Variants in SIPA1L2 observed in about 807,000 individuals in gnomAD.
The protein encoded by SIPA1L2 is signal-induced proliferation-associated 1-like protein 2.
A neutral mutation model predicts 163.9 loss-of-function variants in SIPA1L2; 56 were observed. That is an observed-to-expected ratio of 0.34 (90% CI 0.28 to 0.43). The LOEUF is 0.43. Among genes scored for constraint, SIPA1L2 ranks in the 20% least tolerant of loss-of-function variants. SIPA1L2 has a pLI of 1.00. For synonymous variants in SIPA1L2, 877 were observed against 865.7 expected, an observed-to-expected ratio of 1.01 and a Z score of -0.23; for missense variants, 1,974 against 2,193.5, an observed-to-expected ratio of 0.90 and a Z score of 2.00.
At chr1:232,476,506 G>A (rs1558207747) in intron 7 of SIPA1L2, among the ~76,000 whole-genome samples, 1 of 152,124 alleles carries the variant, frequency 6.6e-6, no homozygotes, top group Admixed American at 6.6e-5. Context: ...TCCCACTGAT[G>A]ACATCCCACG....
chr1:232,455,845 G>C (rs924793576), intron 10 of SIPA1L2, among the ~76,000 whole-genome samples: 2 of 151,954 alleles, frequency 1.3e-5, no homozygotes, highest in Non-Finnish European at 2.9e-5. Context: ...AAATTAACAC[G>C]GCAACAGAAA....
At chr1:232,575,457 G>A (rs771922122) in intron 1 of SIPA1L2, among the ~76,000 whole-genome samples, 6 of 152,178 alleles carry the variant, frequency 3.9e-5, no homozygotes, top group Non-Finnish European at 5.9e-5. Flanking sequence ...GACAGAAACA[G>A]TAGATGAAAA....
At chr1:232,548,338 G>T (rs528215839) in intron 2 of SIPA1L2, among the ~76,000 whole-genome samples, 13 of 152,118 alleles carry the variant, frequency 8.5e-5, no homozygotes, top group Non-Finnish European at 1.6e-4. Context: ...CTCCCTAGGG[G>T]ATATTCTCAG....
chr1:232,436,243 G>A (rs966439584), intron 15 of SIPA1L2, among the ~76,000 whole-genome samples: 1 of 152,178 alleles, frequency 6.6e-6, no homozygotes, highest in Non-Finnish European at 1.5e-5. Flanking sequence ...ACTAAGTGTT[G>A]TGGATACAAG....
At chr1:232,496,412 C>T (rs191034948) in intron 3 of SIPA1L2, among the ~76,000 whole-genome samples, 3 of 152,234 alleles carry the variant, frequency 2.0e-5, no homozygotes, top group Admixed American at 2.0e-4. Flanking sequence ...ATACATTTCT[C>T]AGAACATATC....
At chr1:232,452,380 CA>C (rs1663634667) in intron 10 of SIPA1L2, among the ~76,000 whole-genome samples, 2 of 151,982 alleles carry the variant, frequency 1.3e-5, no homozygotes, top group South Asian at 4.2e-4. Context: ...GTAGTGTATG[CA>C]CTCCACAACT....
At chr1:232,525,233 C>CATT (rs564910049) in intron 2 of SIPA1L2, among the ~76,000 whole-genome samples, 5 of 102,940 alleles carry the variant, frequency 4.9e-5, no homozygotes, top group East Asian at 5.7e-4. Context: ...ATAATAATAG[C>CATT]TTTTTTTTTT....
intron 1 of SIPA1L2, among the ~76,000 whole-genome samples, chr1:232,628,632 A>C (rs1409881870): frequency 6.6e-6 from 1 of 152,222 alleles, no homozygotes; most frequent in Non-Finnish European, 1.5e-5. Context: ...CCGCAAAAAT[A>C]TCGGTATGTG....
At chr1:232,571,214 A>G (rs1376940020) in intron 2 of SIPA1L2, among the ~76,000 whole-genome samples, 1 of 152,238 alleles carries the variant, frequency 6.6e-6, no homozygotes, top group Non-Finnish European at 1.5e-5. Context: ...ACCTAACCTC[A>G]GTATTAATTT....
chr1:232,451,635 C>T (rs553130730), intron 10 of SIPA1L2, among the ~76,000 whole-genome samples: 37 of 152,308 alleles, frequency 2.4e-4, no homozygotes, highest in Non-Finnish European at 4.3e-4. Flanking sequence ...GATACACATG[C>T]TTGGCTTCCT....
intron 2 of SIPA1L2, among the ~76,000 whole-genome samples, chr1:232,531,301 C>G (rs927683965): frequency 6.6e-6 from 1 of 152,124 alleles, no homozygotes; most frequent in Non-Finnish European, 1.5e-5. Context: ...CTGAGCCACC[C>G]CAACCTCCCT....
At chr1:232,590,191 A>T (rs1660890273) in intron 1 of SIPA1L2, among the ~76,000 whole-genome samples, 1 of 152,062 alleles carries the variant, frequency 6.6e-6, no homozygotes, top group South Asian at 2.1e-4. Flanking sequence ...CACCTCCCCA[A>T]TTCCCACAGT....
In SIPA1L2 at chr1:232,579,059, C is replaced by A. The variant is rs190415630; in HGVS notation, c.-318-4837G>T. Among the ~76,000 whole-genome samples the A allele has an allele frequency of 4.7e-3, 713 of 152,292 alleles. 6 individuals carry two copies. Among genetic ancestry groups the A allele is most frequent in the South Asian group, 0.016 (76 of 4,832 alleles). On this transcript the variant is annotated intron_variant, in intron 1 of 22. Transcript: ENST00000674635. ...CCTGGTCTATCACTGCGAGGAGGCT[C>A]CTCACACTTCATCAGGAAGCTCTGT...
intron 5 of SIPA1L2, among the ~76,000 whole-genome samples, chr1:232,485,175 G>A (rs1188974627): frequency 6.6e-6 from 1 of 152,152 alleles, no homozygotes; most frequent in Non-Finnish European, 1.5e-5. Context: ...TCTTGACTAA[G>A]TGCTATGAGA....
chr1:232,551,315 TAAGAG>T (rs1489556199), intron 2 of SIPA1L2, among the ~76,000 whole-genome samples: 1 of 152,128 alleles, frequency 6.6e-6, no homozygotes, highest in Non-Finnish European at 1.5e-5. Flanking sequence ...TCTCCATCTG[TAAGAG>T]AAAAGGGGTA....
At chr1:232,427,270 A>T (rs1394246819) in intron 17 of SIPA1L2, among the ~76,000 whole-genome samples, 1 of 152,222 alleles carries the variant, frequency 6.6e-6, no homozygotes, top group African/African-American at 2.4e-5. Flanking sequence ...TTCCCTCCTC[A>T]CACACCACCA....
At chr1:232,458,880 C>T (rs991024488) in intron 10 of SIPA1L2, among the ~76,000 whole-genome samples, 4 of 152,210 alleles carry the variant, frequency 2.6e-5, no homozygotes, top group African/African-American at 7.2e-5. Context: ...GGACTCATAG[C>T]AGTACATGTG....
chr1:232,400,497 CG>C (rs940016479), intron 22 of SIPA1L2, among the ~76,000 whole-genome samples: 2 of 152,068 alleles, frequency 1.3e-5, no homozygotes, highest in African/African-American at 4.8e-5. Flanking sequence ...CTATGGGGGT[CG>C]GGCAGGCAGA....
rs551266520 is a variant in SIPA1L2, at chr1:232,493,241, G to A, written c.1617+286C>T. ...CAGTCAGGTTTCTTGTTAAGCCTGC[G>A]GAACTGTGAGTCAATTAAACCTTTT... On this transcript the variant is annotated intron_variant, in intron 4 of 22. Transcript: ENST00000674635. 1.9e-4 allele frequency among the ~76,000 whole-genome samples: 29 copies of A among 152,154 alleles called. No homozygotes were observed. In the East Asian group the frequency reaches 4.8e-3, roughly 25 times the overall value.
Sources: allele counts gnomAD v4.1 joint callset (sites outside exome capture counted in the v4.1 genomes callset), GRCh38; gene constraint gnomAD v4.1.1; transcripts MANE v1.5; gene names NCBI Gene and HGNC (gene_info 2026-07-23, HGNC 2026-07-21).